EPHA6: variants seen among roughly 807,000 people sequenced by gnomAD.
EPHA6 encodes ephrin type-A receptor 6.
EPHA6 carries 50 observed loss-of-function variants against 112.0 expected under a neutral mutation model. The ratio of observed to expected loss-of-function variants is 0.45; its 90% CI spans 0.36 to 0.56. The LOEUF is 0.56. EPHA6 is among the 20% of genes least tolerant of loss of function. The pLI is 0.00. For synonymous variants in EPHA6, 529 were observed against 490.7 expected, an observed-to-expected ratio of 1.08 and a Z score of -1.03; for missense variants, 1,280 against 1,417.4, an observed-to-expected ratio of 0.90 and a Z score of 1.56.
At chr3:96,905,310 T>C (rs1005326551) in intron 2 of EPHA6, among the ~76,000 whole-genome samples, 111 of 152,140 alleles carry the variant, frequency 7.3e-4, no homozygotes, top group African/African-American at 2.5e-3. Flanking sequence ...AAATATTTTG[T>C]TTTAAAATTC....
At chr3:97,310,545 T>C (rs978429096) in intron 5 of EPHA6, among the ~76,000 whole-genome samples, 2 of 136,734 alleles carry the variant, frequency 1.5e-5, no homozygotes, top group Non-Finnish European at 3.0e-5. Flanking sequence ...CTCAAAAATA[T>C]GATTATAGGC....
At chr3:97,349,055 CT>C (rs1390569570) in intron 5 of EPHA6, among the ~76,000 whole-genome samples, 1 of 152,008 alleles carries the variant, frequency 6.6e-6, no homozygotes, top group Non-Finnish European at 1.5e-5. Context: ...TATATCCTGG[CT>C]TTTATTAAGT....
chr3:97,119,496 GTC>G lies in EPHA6; in HGVS notation c.1115-106765_1115-106764del, dbSNP rs137855250. ...GCAATAAAAAGCTGAGCACAGACCA[GTC>G]TCAATGCAGTCTCAAAAATCAAAGC... On this transcript the variant is annotated intron_variant, in intron 3 of 17. Coordinates refer to ENST00000389672, the MANE Select transcript of EPHA6 (RefSeq NM_001080448.3). Among the ~76,000 whole-genome samples the G allele has an allele frequency of 4.9e-3, 749 of 152,040 alleles. 6 individuals carry two copies. The highest frequency in any genetic ancestry group is 0.016 in the African/African-American group (663 of 41,500).
intron 3 of EPHA6, among the ~76,000 whole-genome samples, chr3:97,187,680 A>AGAAAGAAG (rs1267175189): frequency 7.7e-6 from 1 of 129,852 alleles, no homozygotes; most frequent in East Asian, 2.2e-4. Context: ...AGAAAGAGAA[A>AGAAAGAAG]GAAAGAAGGA....
At chr3:97,165,168 G>T (rs962272204) in intron 3 of EPHA6, among the ~76,000 whole-genome samples, 10 of 152,078 alleles carry the variant, frequency 6.6e-5, no homozygotes, top group Non-Finnish European at 1.2e-4. Flanking sequence ...CTTTGCTTGT[G>T]CTGTCATCCC....
intron 1 of EPHA6, among the ~76,000 whole-genome samples, chr3:96,835,785 T>C (rs533678447): frequency 1.1e-4 from 17 of 152,206 alleles, no homozygotes; most frequent in Non-Finnish European, 2.2e-4. Flanking sequence ...TTCTTCTTAC[T>C]CTTGTGAAGA....
chr3:97,730,252 A>C (rs2034977701), intron 15 of EPHA6, among the ~76,000 whole-genome samples: 1 of 152,104 alleles, frequency 6.6e-6, no homozygotes, highest in South Asian at 2.1e-4. Flanking sequence ...AGATTCAGCA[A>C]GAGCAGAACA....
chr3:97,627,676 G>T (rs867832371), intron 13 of EPHA6, among the ~76,000 whole-genome samples: 1 of 151,662 alleles, frequency 6.6e-6, no homozygotes, highest in Non-Finnish European at 1.5e-5. Context: ...AAAATATATA[G>T]TCACCCTATC....
chr3:96,888,631 G>A (rs1361681233), intron 2 of EPHA6, among the ~76,000 whole-genome samples: 2 of 152,194 alleles, frequency 1.3e-5, no homozygotes, highest in Admixed American at 6.5e-5. Context: ...GGGATGCAGG[G>A]CACCAGGTCC....
chr3:97,164,570 G>C (rs1011671303), intron 3 of EPHA6, among the ~76,000 whole-genome samples: 3 of 151,924 alleles, frequency 2.0e-5, no homozygotes, highest in African/African-American at 4.8e-5. Context: ...ATTTAAAATT[G>C]TGAATTGGAA....
chr3:97,747,274 G>A lies in EPHA6; in HGVS notation c.3129-149G>A, dbSNP rs1306250124. ...AATAATTTTTTAAAGTGACTGATTT[G>A]AATAAGATAGAAAATCAGAGGCTTT... On this transcript the variant is annotated intron_variant, in intron 16 of 17. Transcript: ENST00000389672. 1.1e-5 allele frequency: 7 copies of A among 658,722 alleles called. No homozygotes were observed. The East Asian group carries it at 2.0e-4, about 19-fold the overall frequency. 40.8% of individuals were successfully genotyped at this position (658,722 alleles called of 1,614,324 possible). A position where few individuals can be genotyped will look rare whatever the true frequency, so the allele number is the denominator to read the frequency against.
intron 11 of EPHA6, among the ~76,000 whole-genome samples, chr3:97,581,823 C>G (rs2093441242): frequency 6.6e-6 from 1 of 152,196 alleles, no homozygotes; most frequent in African/African-American, 2.4e-5. Context: ...AAGATGATTC[C>G]AGCAGCAGAC....
At chr3:97,276,419 G>A (rs867183134) in intron 5 of EPHA6, among the ~76,000 whole-genome samples, 3 of 152,084 alleles carry the variant, frequency 2.0e-5, no homozygotes, top group Non-Finnish European at 2.9e-5. Flanking sequence ...TCCTTGGCTC[G>A]GTGGCCAGAT....
chr3:97,457,693 A>G (rs1577466370), intron 7 of EPHA6, among the ~76,000 whole-genome samples: 1 of 152,156 alleles, frequency 6.6e-6, no homozygotes, highest in African/African-American at 2.4e-5. Context: ...TTTTTTCACC[A>G]TAAAGTCACA....
At chr3:97,228,999 G>C (rs1467577999) in intron 4 of EPHA6, among the ~76,000 whole-genome samples, 1 of 152,102 alleles carries the variant, frequency 6.6e-6, no homozygotes, top group East Asian at 1.9e-4. Flanking sequence ...TCATATGTCT[G>C]TTGGCAGTTT....
At chr3:97,068,591 A>G (rs1314560779) in intron 3 of EPHA6, among the ~76,000 whole-genome samples, 1 of 151,912 alleles carries the variant, frequency 6.6e-6, no homozygotes, top group Non-Finnish European at 1.5e-5. Context: ...TGAAAATAAG[A>G]GAGTTTTGAG....
chr3:97,237,190 T>G (rs1165322150), intron 4 of EPHA6, among the ~76,000 whole-genome samples: 1 of 151,798 alleles, frequency 6.6e-6, no homozygotes, highest in African/African-American at 2.4e-5. Flanking sequence ...TGATTTTTTT[T>G]TTTTACCTCA....
At position 97,274,067 on chromosome 3, in the gene EPHA6, G is replaced by A. The variant is rs541718025; in HGVS notation, c.1606+29780G>A. 3.5e-3 allele frequency among the ~76,000 whole-genome samples: 539 copies of A among 152,230 alleles called. 2 individuals are homozygous for A. Among genetic ancestry groups the A allele is most frequent in the Non-Finnish European group, 6.2e-3 (421 of 68,016 alleles). ...GATTTCCTTGAGGACAGATTTCCAC[G>A]ATGGAAAGGAAATGAGAGGTTCTAA... On this transcript the variant is annotated intron_variant, in intron 5 of 17. Transcript: ENST00000389672.
chr3:97,324,511 C>CTT lies in EPHA6; in HGVS notation c.1606+80225_1606+80226insTT, dbSNP rs1553746450. On this transcript the variant is annotated intron_variant, in intron 5 of 17. Transcript: ENST00000389672. ...TTCTCTTTCTTTCTTTCATCTCTTT[C>CTT]TCTTTCTTTCTTTCTTTCTTTCTCT... Among the ~76,000 whole-genome samples the CTT allele has an allele frequency of 3.4e-4, 8 of 23,392 alleles. No homozygotes were observed. The South Asian group carries it at 6.7e-3, about 20-fold the overall frequency. 15.3% of individuals were successfully genotyped at this position (23,392 alleles called of 152,430 possible).
Sources: allele counts gnomAD v4.1 joint callset (sites outside exome capture counted in the v4.1 genomes callset), GRCh38; gene constraint gnomAD v4.1.1; transcripts MANE v1.5; gene names NCBI Gene and HGNC (gene_info 2026-07-23, HGNC 2026-07-21).